Variants in RCAN2 observed in about 807,000 individuals in gnomAD.
The protein encoded by RCAN2 is calcipressin-2.
Under a neutral mutation model 23.6 loss-of-function variants are expected in RCAN2, and 9 were observed. The observed-to-expected ratio is 0.38, with a 90% CI of 0.23 to 0.67. The LOEUF is 0.67. RCAN2 is among the 30% of genes least tolerant of loss of function. The pLI is 0.51. For synonymous variants in RCAN2, 109 were observed against 115.7 expected (o/e 0.94, Z 0.37); for missense variants, 273 against 302.3 (o/e 0.90, Z 0.72).
chr6:46,337,652 T>A (rs1764186004), intron 2 of RCAN2, among the ~76,000 whole-genome samples: 1 of 152,220 alleles, frequency 6.6e-6, no homozygotes, highest in Non-Finnish European at 1.5e-5. Flanking sequence ...ACTTTAGTCA[T>A]CTTTGAATTC....
chr6:46,360,026 G>T (rs1017409373), intron 2 of RCAN2, among the ~76,000 whole-genome samples: 2 of 152,060 alleles, frequency 1.3e-5, no homozygotes, highest in Non-Finnish European at 2.9e-5. Flanking sequence ...CTACTAATAG[G>T]CTCTGAAAAA....
At position 46,396,071 on chromosome 6, in the gene RCAN2, C is replaced by T. The variant is rs75444858; in HGVS notation, c.225+60681G>A. On this transcript the variant is annotated intron_variant, in intron 2 of 4. Transcript: ENST00000371374. ...CATGTTATCACCTAATTTAGGTAGA[C>T]GAAATTCTGCGCCTTTAACCAAGTT... Among the ~76,000 whole-genome samples, 519 of 152,264 alleles carry T rather than the reference C, an allele frequency of 3.4e-3. 4 individuals are homozygous for T. Among genetic ancestry groups the T allele is most frequent in the African/African-American group, 0.012 (480 of 41,540 alleles).
intron 2 of RCAN2, among the ~76,000 whole-genome samples, chr6:46,402,255 T>C (rs972744113): frequency 6.6e-6 from 1 of 152,088 alleles, no homozygotes; most frequent in Non-Finnish European, 1.5e-5. Context: ...GTGTGTTGTA[T>C]GTCCAGGTAA....
intron 2 of RCAN2, among the ~76,000 whole-genome samples, chr6:46,253,975 C>T (rs573651437): frequency 6.6e-6 from 1 of 152,132 alleles, no homozygotes; most frequent in Non-Finnish European, 1.5e-5. Flanking sequence ...TGTAAATACA[C>T]TCTATCATGT....
chr6:46,328,476 A>C (rs1459538054), intron 2 of RCAN2, among the ~76,000 whole-genome samples: 1 of 152,214 alleles, frequency 6.6e-6, no homozygotes, highest in African/African-American at 2.4e-5. Flanking sequence ...CTGAACTAAA[A>C]TTAGTGGGTT....
intron 4 of RCAN2, among the ~76,000 whole-genome samples, chr6:46,237,358 A>G (rs1766138742): frequency 6.6e-6 from 1 of 152,226 alleles, no homozygotes. Context: ...GTTAATCTGC[A>G]TCTCTTAGGG....
In RCAN2 at chr6:46,456,908, T is replaced by C; in HGVS notation, c.69A>G (p.Gly23=). The change falls in exon 2 of 5, where the codon GGA becomes GGG. Residue 23 remains glycine (G), a synonymous_variant. Transcript: ENST00000371374. ...CTATGCAGCACAGTAAGAAAAGTCC[T>C]CCATCTTCAGGGACGTGTCCCTGCT... The part of the protein sequence containing the change: ...PGQQGHVPED[G]GLFLLCCIDR... 1.3e-6 allele frequency: 2 copies of C among 1,550,750 alleles called. No homozygotes were observed. The highest frequency in any genetic ancestry group is 2.4e-5 in the East Asian group (1 of 40,918).
chr6:46,298,045 C>T (rs1416707761), intron 2 of RCAN2, among the ~76,000 whole-genome samples: 1 of 152,048 alleles, frequency 6.6e-6, no homozygotes, highest in African/African-American at 2.4e-5. Flanking sequence ...CCTGGAGATC[C>T]AACATGCACC....
chr6:46,425,006 C>T (rs953928177), intron 2 of RCAN2, among the ~76,000 whole-genome samples: 4 of 152,140 alleles, frequency 2.6e-5, no homozygotes, highest in Non-Finnish European at 5.9e-5. Context: ...ATAATACATA[C>T]CAAGTAATGA....
At chr6:46,257,526 AC>A (rs1394838328) in intron 2 of RCAN2, among the ~76,000 whole-genome samples, 1 of 152,214 alleles carries the variant, frequency 6.6e-6, no homozygotes, top group Non-Finnish European at 1.5e-5. Context: ...GGCACGTCTT[AC>A]ATGGCAGCAG....
intron 2 of RCAN2, among the ~76,000 whole-genome samples, chr6:46,317,999 T>A (rs761013628): frequency 1.3e-5 from 2 of 152,214 alleles, no homozygotes; most frequent in Non-Finnish European, 2.9e-5. Context: ...AGAAGAATTT[T>A]GTGATTGGAA....
At chr6:46,461,516 G>C (rs1428488145) in intron 1 of RCAN2, among the ~76,000 whole-genome samples, 1 of 151,980 alleles carries the variant, frequency 6.6e-6, no homozygotes, top group Non-Finnish European at 1.5e-5. Flanking sequence ...AGAGCCCTAA[G>C]GGAATACCTT....
chr6:46,474,209 G>C (rs1768647328), intron 1 of RCAN2, among the ~76,000 whole-genome samples: 1 of 152,036 alleles, frequency 6.6e-6, no homozygotes, highest in Non-Finnish European at 1.5e-5. Flanking sequence ...TTAGAGAAAG[G>C]GTAGTGGGGG....
chr6:46,466,835 G>A (rs1042065723), intron 1 of RCAN2, among the ~76,000 whole-genome samples: 2 of 152,152 alleles, frequency 1.3e-5, no homozygotes, highest in African/African-American at 2.4e-5. Context: ...CAATCATTGA[G>A]TGCTTACTTT....
intron 2 of RCAN2, among the ~76,000 whole-genome samples, chr6:46,312,535 T>C (rs1240036479): frequency 6.6e-6 from 1 of 152,188 alleles, no homozygotes; most frequent in Non-Finnish European, 1.5e-5. Context: ...CCTTCTTCTC[T>C]GGAAGACAAT....
At chr6:46,325,593 G>A in intron 2 of RCAN2, 1 of 1,461,302 alleles carries the variant, frequency 6.8e-7, no homozygotes, top group South Asian at 1.4e-5. Context: ...TTGCTCTGGG[G>A]ACGGCTGGAG....
intron 2 of RCAN2, among the ~76,000 whole-genome samples, chr6:46,345,739 T>C (rs1764462901): frequency 1.3e-5 from 2 of 152,158 alleles, no homozygotes; most frequent in Admixed American, 6.5e-5. Flanking sequence ...ACAGATTTAA[T>C]GAAGAAACAA....
intron 2 of RCAN2, among the ~76,000 whole-genome samples, chr6:46,266,519 A>T (rs1002356177): frequency 6.6e-6 from 1 of 152,162 alleles, no homozygotes; most frequent in Non-Finnish European, 1.5e-5. Context: ...CTTTGACCTG[A>T]GCTGATTGGT....
intron 2 of RCAN2, among the ~76,000 whole-genome samples, chr6:46,421,952 A>C (rs917473564): frequency 3.3e-5 from 5 of 152,214 alleles, no homozygotes; most frequent in African/African-American, 7.2e-5. Context: ...TATAATTTCC[A>C]AGGAAAATAA....
Sources: gnomAD v4.1 joint callset for allele counts (sites outside exome capture counted in the v4.1 genomes callset) on GRCh38, gnomAD v4.1.1 for gene constraint, MANE v1.5 for transcripts, NCBI Gene and HGNC (gene_info 2026-07-23, HGNC 2026-07-21) for gene names.